Variants in SYNE3 observed in about 807,000 individuals in gnomAD.
SYNE3 encodes spectrin repeat containing nuclear envelope family member 3.
SYNE3 carries 100 observed loss-of-function variants against 111.2 expected under a neutral mutation model. The ratio of observed to expected loss-of-function variants is 0.90; its 90% CI spans 0.77 to 1.06. The LOEUF is 1.06. Among genes scored for constraint, SYNE3 ranks in the 50% least tolerant of loss-of-function variants. The pLI, the probability that SYNE3 is intolerant of heterozygous loss-of-function variation, is 0.00. For missense variants in SYNE3, 1,160 were observed against 1,240.3 expected, an observed-to-expected ratio of 0.94 and a Z score of 0.97; for synonymous variants, 547 against 533.9, an observed-to-expected ratio of 1.02 and a Z score of -0.34.
At chr14:95,455,909 GA>G in intron 5 of SYNE3, 185 bp from the exon 6 acceptor site, 1 of 587,278 alleles carries the variant, frequency 1.7e-6, no homozygotes, top group Non-Finnish European at 3.0e-6. Context: ...CACAACCTGA[GA>G]ACCCTATTCC....
intron 11 of SYNE3, among the ~76,000 whole-genome samples, chr14:95,440,488 G>T (rs1028469415): frequency 6.6e-6 from 1 of 152,114 alleles, no homozygotes; most frequent in African/African-American, 2.4e-5. Flanking sequence ...CTCACCCAAG[G>T]TCATACATGT....
At chr14:95,516,103 C>G (rs1326412384) in intron 1 of SYNE3, 3 of 152,346 alleles carry the variant, frequency 2.0e-5, no homozygotes, top group African/African-American at 7.2e-5. Context: ...CGAAACTGAG[C>G]ATTCGGGGTT....
chr14:95,512,508 T>C (rs1890757592), intron 1 of SYNE3, among the ~76,000 whole-genome samples: 1 of 150,974 alleles, frequency 6.6e-6, no homozygotes, highest in East Asian at 2.0e-4. Context: ...GAGCTGAGAT[T>C]GTGCCACTGC....
At chr14:95,419,468 AC>A (rs1884948222) in intron 17 of SYNE3, among the ~76,000 whole-genome samples, 1 of 152,092 alleles carries the variant, frequency 6.6e-6, no homozygotes, top group Non-Finnish European at 1.5e-5. Flanking sequence ...TAGTGCTAGC[AC>A]TATTAGTAAC....
At chr14:95,507,547 G>T (rs1211303723) in intron 1 of SYNE3, among the ~76,000 whole-genome samples, 5 of 152,206 alleles carry the variant, frequency 3.3e-5, no homozygotes, top group Admixed American at 3.3e-4. Flanking sequence ...GCCTGGCCTG[G>T]ATCCCCCTCC....
intron 1 of SYNE3, among the ~76,000 whole-genome samples, chr14:95,514,846 G>A (rs1045332641): frequency 1.3e-5 from 2 of 152,208 alleles, no homozygotes; most frequent in South Asian, 2.1e-4. Context: ...CTTGCCTCCC[G>A]GGGCCGCCAA....
chr14:95,465,326 T>C (rs2139472562), intron 4 of SYNE3, among the ~76,000 whole-genome samples: 1 of 123,280 alleles, frequency 8.1e-6, no homozygotes, highest in East Asian at 2.2e-4. Flanking sequence ...ACTGGGTATC[T>C]GGACGGTAGA....
Position 95,461,713 on chromosome 14 carries a change from C to T in SYNE3, c.627+4218G>A, listed in dbSNP as rs548821600. Among the ~76,000 whole-genome samples, 35 of 152,370 alleles carry T rather than the reference C, an allele frequency of 2.3e-4. No homozygotes were observed. The South Asian group carries it at 6.4e-3, about 28-fold the overall frequency. Reference sequence around the variant, plus strand: ...CTGAACCTAGAGACCAATCCCACCCCGAGGCCAGGCCTCGACCCCCAGGAA... The same window carrying T: ...CTGAACCTAGAGACCAATCCCACCCTGAGGCCAGGCCTCGACCCCCAGGAA... On this transcript the variant is annotated intron_variant, in intron 4 of 17. Coordinates refer to ENST00000682763, the MANE Select transcript of SYNE3 (RefSeq NM_152592.6).
At chr14:95,418,456 T>G (rs924563603) in intron 17 of SYNE3, among the ~76,000 whole-genome samples, 1 of 152,204 alleles carries the variant, frequency 6.6e-6, no homozygotes, top group Admixed American at 6.5e-5. Context: ...TACCAGCTGC[T>G]GTCATGATTA....
chr14:95,469,531 CAAA>C (rs71132350), intron 2 of SYNE3, among the ~76,000 whole-genome samples: 11 of 99,456 alleles, frequency 1.1e-4, no homozygotes, highest in African/African-American at 3.5e-4. Context: ...CATGTCTCTA[CAAA>C]AAAAAAAAAA....
At chr14:95,494,979 G>A (rs1363057138) in intron 1 of SYNE3, among the ~76,000 whole-genome samples, 1 of 152,116 alleles carries the variant, frequency 6.6e-6, no homozygotes, top group Non-Finnish European at 1.5e-5. Context: ...GGGCGTGGTG[G>A]CAGGCACCTG....
chr14:95,455,670 GCTC>G lies in SYNE3; in HGVS notation c.841_843del (p.Glu281del). 1 of 1,614,194 alleles carries G rather than the reference GCTC, an allele frequency of 6.2e-7. No individual in the cohort carries two copies. The highest frequency in any genetic ancestry group is 8.5e-7 in the Non-Finnish European group (1 of 1,180,032). On this transcript the variant is annotated inframe_deletion, in exon 6 of 18. Coordinates refer to ENST00000682763, the MANE Select transcript of SYNE3 (RefSeq NM_152592.6). Reference sequence around the variant, plus strand: ...GTGTTCCGAATGACACCCGCAGACTGCTCCTCCAGCGTCTCCAGAGACTCCTCG... The same window carrying G: ...GTGTTCCGAATGACACCCGCAGACTGCTCCAGCGTCTCCAGAGACTCCTCG...
chr14:95,450,212 A>G, intron 7 of SYNE3, 107 bp from the exon 8 acceptor site: 1 of 1,334,702 alleles, frequency 7.5e-7, no homozygotes. Flanking sequence ...CACTGCTCCC[A>G]GGGTGGGCCT....
chr14:95,450,283 A>C, intron 7 of SYNE3, 178 bp from the exon 8 acceptor site: 1 of 734,022 alleles, frequency 1.4e-6, no homozygotes, highest in Non-Finnish European at 2.2e-6. Context: ...GCTGGAAGGG[A>C]CTTTGATTAA....
intron 8 of SYNE3, chr14:95,449,599 G>C (rs1460989640): frequency 1.0e-6 from 1 of 985,350 alleles, no homozygotes; most frequent in African/African-American, 1.7e-5. Flanking sequence ...GTCAGGTCAG[G>C]TTTCTTGCCA....
chr14:95,501,740 G>C (rs941495177), intron 1 of SYNE3, among the ~76,000 whole-genome samples: 1 of 152,216 alleles, frequency 6.6e-6, no homozygotes, highest in African/African-American at 2.4e-5. Context: ...GAAGCAACAA[G>C]ATGTGCAGCG....
intron 1 of SYNE3, among the ~76,000 whole-genome samples, chr14:95,491,668 A>G (rs1008025472): frequency 1.3e-5 from 2 of 152,162 alleles, no homozygotes; most frequent in African/African-American, 4.8e-5. Context: ...TGGAATACGC[A>G]ATGGTTTCTT....
At chr14:95,486,459 T>C (rs1238603966) in intron 1 of SYNE3, among the ~76,000 whole-genome samples, 4 of 146,882 alleles carry the variant, frequency 2.7e-5, no homozygotes, top group African/African-American at 5.1e-5. Context: ...CAGGCAGGGG[T>C]CTTCCCCACA....
chr14:95,481,720 G>A lies in SYNE3; in HGVS notation c.-14-5885C>T, dbSNP rs536207571. Among the ~76,000 whole-genome samples the A allele has an allele frequency of 1.2e-4, 19 of 152,336 alleles. 1 individual carries two copies. The South Asian group carries it at 3.7e-3, about 30-fold the overall frequency. Reference sequence around the variant, plus strand: ...AGGACGGGGAGAAATAGATGTGTGGGCCCCCAGGCCAGGGCTGCCCCTGTG... The same window carrying A: ...AGGACGGGGAGAAATAGATGTGTGGACCCCCAGGCCAGGGCTGCCCCTGTG... On this transcript the variant is annotated intron_variant, in intron 1 of 17. Coordinates refer to ENST00000682763, the MANE Select transcript of SYNE3 (RefSeq NM_152592.6).
Sources: gnomAD v4.1 joint callset for allele counts (sites outside exome capture counted in the v4.1 genomes callset) on GRCh38, gnomAD v4.1.1 for gene constraint, MANE v1.5 for transcripts, NCBI Gene and HGNC (gene_info 2026-07-23, HGNC 2026-07-21) for gene names.